The following DGKB variants were observed in gnomAD, a reference collection of about 807,000 sequenced individuals.
DGKB encodes diacylglycerol kinase beta, also known as 90 kDa diacylglycerol kinase.
In DGKB, 67 loss-of-function variants were observed where a neutral mutation model predicts 114.3. The ratio of observed to expected loss-of-function variants is 0.59; its 90% CI spans 0.48 to 0.72. The LOEUF (loss-of-function observed/expected upper bound fraction) is 0.72. Among genes scored for constraint, DGKB ranks in the 30% least tolerant of loss-of-function variants. The pLI is 0.00. For missense variants in DGKB, 907 were observed against 975.2 expected (o/e 0.93, Z 0.93); for synonymous variants, 398 against 323.1 (o/e 1.23, Z -2.49).
At chr7:14,341,064 C>A (rs1488019183) in intron 22 of DGKB, among the ~76,000 whole-genome samples, 2 of 151,296 alleles carry the variant, frequency 1.3e-5, no homozygotes, top group Non-Finnish European at 3.0e-5. Flanking sequence ...TGCTATTATT[C>A]ATGTTTTCAC....
chr7:14,418,944 A>T (rs1309687576), intron 21 of DGKB, among the ~76,000 whole-genome samples: 1 of 151,876 alleles, frequency 6.6e-6, no homozygotes, highest in Non-Finnish European at 1.5e-5. Flanking sequence ...CTAAAATATA[A>T]ACATTTATAA....
At chr7:14,758,035 A>G (rs1835144751) in intron 2 of DGKB, among the ~76,000 whole-genome samples, 1 of 152,086 alleles carries the variant, frequency 6.6e-6, no homozygotes, top group African/African-American at 2.4e-5. Context: ...ATCTGTAGAT[A>G]TTTTTAAGGA....
At position 14,249,534 on chromosome 7, in the gene DGKB, C is replaced by A. The variant is rs549719546; in HGVS notation, c.2123-71383G>T. Among the ~76,000 whole-genome samples the A allele has an allele frequency of 2.6e-5, 4 of 152,064 alleles. No individual in the cohort carries two copies. In the South Asian group the frequency reaches 6.2e-4, roughly 24 times the overall value. ...TCTCCTTACTCATTATTGGTCTGTT[C>A]GAATTTTCTATTACTTTATCATTTA... On this transcript the variant is annotated intron_variant, in intron 23 of 25. Transcript: ENST00000402815.
chr7:14,590,353 C>A (rs765755769), intron 17 of DGKB, among the ~76,000 whole-genome samples: 3 of 152,068 alleles, frequency 2.0e-5, no homozygotes, highest in African/African-American at 4.8e-5. Flanking sequence ...TTGTAAAACA[C>A]GGCAGTAGCT....
chr7:14,447,174 C>A (rs1230206947), intron 21 of DGKB, among the ~76,000 whole-genome samples: 1 of 152,094 alleles, frequency 6.6e-6, no homozygotes, highest in Admixed American at 6.6e-5. Flanking sequence ...TTAGCTCCCC[C>A]ATCAGGGTGG....
intron 20 of DGKB, among the ~76,000 whole-genome samples, chr7:14,489,038 A>T (rs1325392911): frequency 1.3e-5 from 2 of 152,148 alleles, no homozygotes; most frequent in African/African-American, 4.8e-5. Flanking sequence ...ACATAGAATT[A>T]ATCTACTTCC....
intron 1 of DGKB, among the ~76,000 whole-genome samples, chr7:14,965,914 C>T (rs957314072): frequency 1.3e-5 from 2 of 152,142 alleles, no homozygotes; most frequent in East Asian, 3.9e-4. Context: ...CATTTTTGTA[C>T]ATCATGATAT....
At chr7:14,318,312 T>C (rs909837129) in intron 23 of DGKB, among the ~76,000 whole-genome samples, 18 of 149,308 alleles carry the variant, frequency 1.2e-4, no homozygotes, top group South Asian at 1.1e-3. Flanking sequence ...AAAGAGCTTC[T>C]GCACAGCAAA....
chr7:14,395,459 T>C (rs929919257), intron 21 of DGKB, among the ~76,000 whole-genome samples: 3 of 151,950 alleles, frequency 2.0e-5, no homozygotes, highest in African/African-American at 7.2e-5. Context: ...AGAAGAAATG[T>C]AACAAAAAGG....
intron 20 of DGKB, among the ~76,000 whole-genome samples, chr7:14,530,073 T>C (rs1791310254): frequency 1.3e-5 from 2 of 151,806 alleles, no homozygotes; most frequent in African/African-American, 2.4e-5. Context: ...TTTCCTTTGA[T>C]TGAGAGCTCA....
chr7:14,494,348 C>T (rs1000920705), intron 20 of DGKB, among the ~76,000 whole-genome samples: 4 of 151,622 alleles, frequency 2.6e-5, no homozygotes, highest in African/African-American at 9.7e-5. Flanking sequence ...ATTTTAGATG[C>T]CTAACAAAAT....
chr7:14,475,143 C>A (rs917400316), intron 21 of DGKB, among the ~76,000 whole-genome samples: 1 of 151,974 alleles, frequency 6.6e-6, no homozygotes, highest in Non-Finnish European at 1.5e-5. Context: ...AAATGAATTT[C>A]AAGGTGAGCA....
At chr7:14,451,969 A>C (rs1831588394) in intron 21 of DGKB, among the ~76,000 whole-genome samples, 1 of 152,124 alleles carries the variant, frequency 6.6e-6, no homozygotes, top group Non-Finnish European at 1.5e-5. Flanking sequence ...GTTATTGCTA[A>C]CATATTCCTA....
At chr7:14,846,460 A>C (rs2128148743) in intron 1 of DGKB, among the ~76,000 whole-genome samples, 1 of 152,362 alleles carries the variant, frequency 6.6e-6, no homozygotes, top group East Asian at 1.9e-4. Context: ...TTTCACGTGT[A>C]ATTTCAAATA....
chr7:14,914,960 A>C (rs1031666371), intron 1 of DGKB, among the ~76,000 whole-genome samples: 1 of 152,182 alleles, frequency 6.6e-6, no homozygotes, highest in Admixed American at 6.5e-5. Flanking sequence ...GAGGAAAATA[A>C]GGTCTTCTGA....
intron 2 of DGKB, among the ~76,000 whole-genome samples, chr7:14,797,678 G>A (rs532969810): frequency 6.6e-6 from 1 of 151,794 alleles, no homozygotes; most frequent in Non-Finnish European, 1.5e-5. Context: ...CCATCTGTGA[G>A]GTTTCATCTA....
Position 14,257,878 on chromosome 7 carries a change from C to G in DGKB, c.2123-79727G>C, listed in dbSNP as rs995233486. Among the ~76,000 whole-genome samples, 3 of 152,250 alleles carry G rather than the reference C, an allele frequency of 2.0e-5. No homozygotes were observed. In the East Asian group the frequency reaches 5.8e-4, roughly 29 times the overall value. ...AGTAGCTGGGATTACAGGTGCCCACCACCATGCTCGGCTAATTTTTGTATT... is the reference window on the plus strand; with the variant it reads ...AGTAGCTGGGATTACAGGTGCCCACGACCATGCTCGGCTAATTTTTGTATT... On this transcript the variant is annotated intron_variant, in intron 23 of 25. Coordinates refer to ENST00000402815, the MANE Select transcript of DGKB (RefSeq NM_001350709.2).
rs1585165722 is a variant in DGKB at position 14,329,976 on chromosome 7, A to AC, written c.2122+8538_2122+8539insG. Among the ~76,000 whole-genome samples the AC allele has an allele frequency of 2.6e-5, 4 of 152,152 alleles. No individual in the cohort carries two copies. The East Asian group carries it at 7.7e-4, about 29-fold the overall frequency. ...ATTTTCAATAGACAGAGGACTGGAC[A>AC]ACTGTGCCACAGAAACAAATAAGAT... is the stretch of plus-strand genomic sequence containing the variant. On this transcript the variant is annotated intron_variant, in intron 23 of 25. Transcript: ENST00000402815.
At chr7:14,926,736 T>C (rs1439333806) in intron 1 of DGKB, among the ~76,000 whole-genome samples, 1 of 152,006 alleles carries the variant, frequency 6.6e-6, no homozygotes, top group African/African-American at 2.4e-5. Flanking sequence ...ACCCAACATG[T>C]AATATCTCTG....
Sources: allele counts gnomAD v4.1 joint callset (sites outside exome capture counted in the v4.1 genomes callset), GRCh38; gene constraint gnomAD v4.1.1; transcripts MANE v1.5; gene names NCBI Gene and HGNC (gene_info 2026-07-23, HGNC 2026-07-21).